The following ZDHHC11 variants were observed in gnomAD, a reference collection of about 807,000 sequenced individuals.
ZDHHC11 encodes palmitoyltransferase ZDHHC11.
In ZDHHC11, 44 loss-of-function variants were observed where a neutral mutation model predicts 51.3. The observed-to-expected ratio is 0.86, with a 90% CI of 0.67 to 1.10. The LOEUF (loss-of-function observed/expected upper bound fraction) is 1.10, where lower values mean the gene tolerates loss of function less well. ZDHHC11 is among the 50% of genes least tolerant of loss of function. The pLI is 0.00. For missense variants in ZDHHC11, 400 were observed against 537.7 expected, an observed-to-expected ratio of 0.74 and a Z score of 2.53; for synonymous variants, 163 against 222.0, an observed-to-expected ratio of 0.73 and a Z score of 2.36.
intron 8 of ZDHHC11, among the ~76,000 whole-genome samples, chr5:822,860 T>A (rs1420484344): frequency 7.9e-5 from 12 of 151,588 alleles, no homozygotes; most frequent in African/African-American, 2.9e-4. Flanking sequence ...TGCAGCAGTA[T>A]CTTATTGTGA....
In ZDHHC11 at chr5:821,879, G is replaced by A. The variant is rs768105821; in HGVS notation, c.1040C>T (p.Pro347Leu). The A allele has an allele frequency of 4.0e-5, 64 of 1,605,820 alleles. 4 individuals carry two copies. Among genetic ancestry groups the A allele is most frequent in the South Asian group, 3.9e-4 (35 of 90,284 alleles). ...DSTAREGDEDPCPSALGAKAR... is the reference protein window; with the variant it reads ...DSTAREGDEDLCPSALGAKAR... ...AACTCACCCAAGTGCAGATGGACAC[G>A]GGTCTTCATCCCCTTCCTGTGGGGA... The change falls in exon 9 of 13, where the codon CCG (proline) becomes CTG (leucine). Residue 347 changes from proline (P) to leucine (L), a missense_variant. Around this residue, in one of 5 missense-constraint regions of ZDHHC11, gnomAD observed 231 missense variants for 227.4 expected, o/e 1.02. Coordinates refer to ENST00000283441, the MANE Select transcript of ZDHHC11 (RefSeq NM_024786.3).
In ZDHHC11 at chr5:850,626, C is replaced by A. The variant is rs376255281; in HGVS notation, c.-24G>T. On this transcript the variant is annotated 5_prime_UTR_variant, in exon 1 of 13. Coordinates refer to ENST00000283441, the MANE Select transcript of ZDHHC11 (RefSeq NM_024786.3). The stretch of plus-strand genomic sequence containing the variant: ...ATCTGCAGGACACAGAAGGGGAGGA[C>A]CTGCGCCGTCAGATCCTGGGAGGGC... The A allele has an allele frequency of 6.8e-6, 11 of 1,609,128 alleles. No homozygotes were observed. The African/African-American group carries it at 1.5e-4, about 22-fold the overall frequency.
At chr5:821,818 G>A (rs200890647) in intron 9 of ZDHHC11, 43 bp downstream of exon 9, 1 of 1,542,794 alleles carries the variant, frequency 6.5e-7, no homozygotes, top group Non-Finnish European at 8.9e-7. Flanking sequence ...GTATAACTAT[G>A]TTACTAATAG....
chr5:835,875 G>T lies in ZDHHC11; in HGVS notation c.900+1490C>A, dbSNP rs142802152. On this transcript the variant is annotated intron_variant, in intron 6 of 12. Transcript: ENST00000283441. ...AAGGAAGTTTTAAAAATATAACCCG[G>T]ATTTTTCATTGCTGGTGGATAGAGA... is the stretch of plus-strand genomic sequence containing the variant. Among the ~76,000 whole-genome samples the T allele has an allele frequency of 6.2e-3, 934 of 151,740 alleles. 17 individuals carry two copies. Among genetic ancestry groups the T allele is most frequent in the African/African-American group, 0.021 (887 of 41,422 alleles).
chr5:810,288 T>C (rs1242636543), intron 11 of ZDHHC11, among the ~76,000 whole-genome samples: 277 of 143,692 alleles, frequency 1.9e-3, no homozygotes, highest in African/African-American at 6.6e-3. Context: ...AGCCACTGAA[T>C]GAGGCGCTGG....
chr5:822,906 G>A (rs1374558992), intron 8 of ZDHHC11, among the ~76,000 whole-genome samples: 1 of 151,258 alleles, frequency 6.6e-6, no homozygotes, highest in Admixed American at 6.6e-5. Context: ...AAATGATGTT[G>A]AGCACCATTT....
At chr5:837,816 C>T (rs1341272763) in intron 5 of ZDHHC11, among the ~76,000 whole-genome samples, 1 of 151,962 alleles carries the variant, frequency 6.6e-6, no homozygotes, top group Admixed American at 6.6e-5. Flanking sequence ...GTCCCCTATA[C>T]CATGCAGCTT....
In ZDHHC11 at chr5:817,763, C is replaced by T. The variant is rs1378862818; in HGVS notation, c.1146+1762G>A. Among the ~76,000 whole-genome samples the T allele has an allele frequency of 1.3e-5, 2 of 151,188 alleles. 1 individual carries two copies. The highest frequency in any genetic ancestry group is 3.0e-5 in the Non-Finnish European group (2 of 67,604). On this transcript the variant is annotated intron_variant, in intron 10 of 12. Transcript: ENST00000283441. ...TCATTACACACCCTTCCATGTCTCC[C>T]CATTGCCTCACCTTGGCACCTTCCA...
At chr5:824,362 A>G (rs780097429) in intron 8 of ZDHHC11, among the ~76,000 whole-genome samples, 2 of 151,382 alleles carry the variant, frequency 1.3e-5, no homozygotes, top group Admixed American at 1.3e-4. Flanking sequence ...TCAGGAGGCT[A>G]AGGTGGGAAG....
intron 3 of ZDHHC11, among the ~76,000 whole-genome samples, chr5:844,204 C>T (rs1211323180): frequency 6.6e-6 from 1 of 152,394 alleles, no homozygotes; most frequent in East Asian, 1.9e-4. Flanking sequence ...CTGTGACGCC[C>T]CCCCAGGTCT....
chr5:856,102 C>T (rs796148110), intron 1 of ZDHHC11, among the ~76,000 whole-genome samples: 7 of 152,198 alleles, frequency 4.6e-5, no homozygotes, highest in African/African-American at 9.6e-5. Flanking sequence ...CGCTCAGCCT[C>T]GATACCACCG....
At position 850,718 on chromosome 5, in the gene ZDHHC11, G is replaced by A. The variant is rs576433007; in HGVS notation, c.-116C>T. ...GCAGCCGCCAGGACCAGCACTGACA[G>A]CCAATGGCCCAGCACTGCCTGGGGC... On this transcript the variant is annotated 5_prime_UTR_variant, in exon 1 of 13. Transcript: ENST00000283441. The A allele has an allele frequency of 8.4e-6, 11 of 1,304,040 alleles. No individual in the cohort carries two copies. The highest frequency in any genetic ancestry group is 2.2e-4 in the Middle Eastern group (1 of 4,584). The allele number at this position is 1,304,040 out of a possible 1,614,324, so 80.8% of individuals were successfully genotyped here.
chr5:805,032 A>C (rs1161827477), intron 11 of ZDHHC11, among the ~76,000 whole-genome samples: 1 of 151,416 alleles, frequency 6.6e-6, no homozygotes, highest in African/African-American at 2.4e-5. Context: ...GCATATTACA[A>C]TAATTATAAA....
At position 844,664 on chromosome 5, in the gene ZDHHC11, G is replaced by A. The variant is rs560283626; in HGVS notation, c.504-940C>T. 1.6e-4 allele frequency among the ~76,000 whole-genome samples: 24 copies of A among 152,414 alleles called. No homozygotes were observed. In the South Asian group the frequency reaches 4.8e-3, roughly 30 times the overall value. Reference sequence around the variant, plus strand: ...GCACCCAGGAGGGCCTGCAGGCTCAGGGACCTGGATCTCTGCACCCAAAGG... The same window carrying A: ...GCACCCAGGAGGGCCTGCAGGCTCAAGGACCTGGATCTCTGCACCCAAAGG... On this transcript the variant is annotated intron_variant, in intron 3 of 12. Coordinates refer to ENST00000283441, the MANE Select transcript of ZDHHC11 (RefSeq NM_024786.3).
chr5:810,164 A>G (rs1461462809), intron 11 of ZDHHC11, among the ~76,000 whole-genome samples: 4 of 50,554 alleles, frequency 7.9e-5, no homozygotes, highest in East Asian at 9.5e-4. Flanking sequence ...GCTCGGGAGT[A>G]TACTACACAA....
upstream of ZDHHC11, among the ~76,000 whole-genome samples, chr5:852,239 G>A (rs939758497): frequency 6.6e-6 from 1 of 152,228 alleles, no homozygotes; most frequent in African/African-American, 2.4e-5. Context: ...TCAAATCCAG[G>A]AAGGACCACA....
At chr5:858,256 TC>T (rs1748550431) in intron 1 of ZDHHC11, among the ~76,000 whole-genome samples, 1 of 149,990 alleles carries the variant, frequency 6.7e-6, no homozygotes, top group African/African-American at 2.5e-5. Context: ...TCTGTCCTGG[TC>T]CCCATCCTGT....
At chr5:819,918 T>C (rs560260815) in intron 9 of ZDHHC11, among the ~76,000 whole-genome samples, 1 of 151,432 alleles carries the variant, frequency 6.6e-6, no homozygotes, top group Middle Eastern at 3.4e-3. Context: ...TGTCCTCCGT[T>C]AGTGTAGCTG....
intron 8 of ZDHHC11, chr5:824,021 G>C (rs1339162561): frequency 4.4e-6 from 2 of 454,162 alleles, no homozygotes; most frequent in East Asian, 6.9e-5. Flanking sequence ...CTCCAGGCTG[G>C]GCTGATCCCT....
Sources: gnomAD v4.1 joint callset for allele counts (sites outside exome capture counted in the v4.1 genomes callset) on GRCh38, gnomAD v4.1.1 for gene constraint, gnomAD v4.1.1 regional missense constraint, MANE v1.5 for transcripts, NCBI Gene and HGNC (gene_info 2026-07-23, HGNC 2026-07-21) for gene names.